The following PDE4D variants were observed in gnomAD, a reference collection of about 807,000 sequenced individuals.
PDE4D encodes the protein 3',5'-cyclic-AMP phosphodiesterase 4D.
In PDE4D, 24 loss-of-function variants were observed where a neutral mutation model predicts 87.4. The ratio of observed to expected loss-of-function variants is 0.27; its 90% confidence interval spans 0.20 to 0.39. The LOEUF (loss-of-function observed/expected upper bound fraction) is 0.39, where lower values mean the gene tolerates loss of function less well. Among genes scored for constraint, PDE4D ranks in the 10% least tolerant of loss-of-function variants. PDE4D has a pLI of 1.00. For missense variants in PDE4D, 714 were observed against 1,041.0 expected (o/e 0.69, Z 4.32); for synonymous variants, 384 against 383.2 (o/e 1.00, Z -0.02).
intron 1 of PDE4D, among the ~76,000 whole-genome samples, chr5:59,847,997 A>G (rs1200669764): frequency 6.6e-6 from 1 of 152,102 alleles, no homozygotes; most frequent in African/African-American, 2.4e-5. Flanking sequence ...GATCTTCATG[A>G]TTACAATGGG....
At chr5:59,461,295 G>A (rs1800744548) in intron 1 of PDE4D, among the ~76,000 whole-genome samples, 1 of 151,938 alleles carries the variant, frequency 6.6e-6, no homozygotes, top group African/African-American at 2.4e-5. Flanking sequence ...CTTAGAAATA[G>A]TTATCTAAGA....
At chr5:60,441,084 G>T (rs1745167830) in intron 1 of PDE4D, among the ~76,000 whole-genome samples, 1 of 151,854 alleles carries the variant, frequency 6.6e-6, no homozygotes, top group South Asian at 2.1e-4. Flanking sequence ...AACAACTAAA[G>T]CCAGGAAAAG....
intron 1 of PDE4D, among the ~76,000 whole-genome samples, chr5:59,420,424 C>G (rs1456088527): frequency 1.3e-5 from 2 of 152,160 alleles, no homozygotes; most frequent in Non-Finnish European, 2.9e-5. Flanking sequence ...GAGACAACAG[C>G]AACCCCAGGG....
At chr5:59,858,402 TC>T (rs1745777581) in intron 1 of PDE4D, among the ~76,000 whole-genome samples, 1 of 152,008 alleles carries the variant, frequency 6.6e-6, no homozygotes. Context: ...TTCTGAGCCC[TC>T]CCATCAAGGG....
chr5:60,325,082 G>A (rs1347597448), intron 1 of PDE4D, among the ~76,000 whole-genome samples: 3 of 152,174 alleles, frequency 2.0e-5, no homozygotes, highest in Non-Finnish European at 4.4e-5. Context: ...TGGAACTAGA[G>A]AATGGATATT....
chr5:59,912,019 CAAT>C (rs1753498680), intron 3 of PDE4D, among the ~76,000 whole-genome samples: 1 of 151,984 alleles, frequency 6.6e-6, no homozygotes, highest in South Asian at 2.1e-4. Flanking sequence ...TTTTTCCAAA[CAAT>C]AAAGTACAAA....
intron 5 of PDE4D, among the ~76,000 whole-genome samples, chr5:59,102,361 C>T (rs958072318): frequency 2.6e-5 from 4 of 152,144 alleles, no homozygotes; most frequent in Non-Finnish European, 4.4e-5. Flanking sequence ...GCTGGGGTTA[C>T]AGGCATGAGC....
intron 2 of PDE4D, among the ~76,000 whole-genome samples, chr5:60,091,651 T>G (rs860374): frequency 0.5 from 75,400 of 151,982 alleles, 19,145 homozygotes; most frequent in East Asian, 0.83. Flanking sequence ...TTTAAAAAAT[T>G]AAATCACTGT....
chr5:59,016,945 G>T (rs1399235363), intron 6 of PDE4D, among the ~76,000 whole-genome samples: 1 of 152,056 alleles, frequency 6.6e-6, no homozygotes, highest in Non-Finnish European at 1.5e-5. Context: ...AGGAAAAGAG[G>T]GTAACATCGT....
chr5:59,037,733 A>G (rs1167769926), intron 6 of PDE4D, among the ~76,000 whole-genome samples: 4 of 152,156 alleles, frequency 2.6e-5, no homozygotes, highest in African/African-American at 9.7e-5. Flanking sequence ...AATGCTACCT[A>G]CAAAAGCACT....
chr5:59,211,667 A>G (rs1750113257), intron 2 of PDE4D, among the ~76,000 whole-genome samples: 2 of 152,126 alleles, frequency 1.3e-5, no homozygotes, highest in Admixed American at 6.6e-5. Flanking sequence ...CAATGTCCCT[A>G]TCAAAAGGAC....
chr5:59,390,479 T>G (rs1307730207), intron 1 of PDE4D, among the ~76,000 whole-genome samples: 1 of 152,172 alleles, frequency 6.6e-6, no homozygotes, highest in African/African-American at 2.4e-5. Context: ...TTACTAAATT[T>G]CTGCTGCATA....
intron 1 of PDE4D, among the ~76,000 whole-genome samples, chr5:59,406,392 C>T (rs1386430827): frequency 7.3e-5 from 3 of 40,826 alleles, no homozygotes; most frequent in African/African-American, 1.5e-4. Context: ...CCTTATCTTT[C>T]CTTCCCCCCC....
At chr5:59,730,636 T>C (rs184798016) in intron 1 of PDE4D, among the ~76,000 whole-genome samples, 1 of 152,206 alleles carries the variant, frequency 6.6e-6, no homozygotes, top group East Asian at 1.9e-4. Flanking sequence ...CAGCTATAAA[T>C]AGTCACAAAA....
At chr5:59,900,142 A>C (rs1328130377) in intron 3 of PDE4D, among the ~76,000 whole-genome samples, 1 of 151,898 alleles carries the variant, frequency 6.6e-6, no homozygotes, top group African/African-American at 2.4e-5. Context: ...CTGGAGCCTG[A>C]GGCAGGAAAA....
At chr5:60,484,754 T>C (rs947607278) in intron 1 of PDE4D, among the ~76,000 whole-genome samples, 14 of 152,178 alleles carry the variant, frequency 9.2e-5, no homozygotes, top group African/African-American at 3.4e-4. Flanking sequence ...GTTTTGTCCA[T>C]TACTGGGAAT....
At chr5:59,156,338 T>TGG (rs1780211534) in intron 5 of PDE4D, among the ~76,000 whole-genome samples, 1 of 106,624 alleles carries the variant, frequency 9.4e-6, no homozygotes, top group African/African-American at 3.4e-5. Context: ...TATATGTGTG[T>TGG]GTGTGTGTGT....
intron 1 of PDE4D, chr5:59,275,793 T>C (rs938282381): frequency 6.1e-5 from 60 of 989,384 alleles, no homozygotes; most frequent in Non-Finnish European, 6.7e-5. Flanking sequence ...TTTCTGACAC[T>C]CGAAGAGCGC....
chr5:59,481,324 T>A (rs1257958210), intron 1 of PDE4D, among the ~76,000 whole-genome samples: 1 of 150,978 alleles, frequency 6.6e-6, no homozygotes, highest in Admixed American at 6.6e-5. Context: ...GCTTGTTCAA[T>A]ATGGCAGTTA....
Sources: gnomAD v4.1 joint callset for allele counts (sites outside exome capture counted in the v4.1 genomes callset) on GRCh38, gnomAD v4.1.1 for gene constraint, MANE v1.5 for transcripts, NCBI Gene and HGNC (gene_info 2026-07-23, HGNC 2026-07-21) for gene names.